Variants in MAP2 observed in about 807,000 individuals in gnomAD.
MAP2 encodes microtubule-associated protein 2.
MAP2 carries 14 observed loss-of-function variants against 137.6 expected under a neutral mutation model. That is an observed-to-expected ratio of 0.10 (90% CI 0.07 to 0.16). MAP2 has a LOEUF of 0.16. Among genes scored for constraint, MAP2 ranks in the 10% least tolerant of loss-of-function variants. MAP2 has a pLI of 1.00. For missense variants in MAP2, 2,088 were observed against 2,191.5 expected, an observed-to-expected ratio of 0.95 and a Z score of 0.94; for synonymous variants, 786 against 782.3, an observed-to-expected ratio of 1.00 and a Z score of -0.08.
chr2:209,513,070 AG>A (rs1294322761), intron 2 of MAP2, among the ~76,000 whole-genome samples: 8 of 152,302 alleles, frequency 5.3e-5, no homozygotes, highest in African/African-American at 1.7e-4. Flanking sequence ...TGCACAATTA[AG>A]CAGACTTGCA....
At chr2:209,629,619 C>G (rs967205434) in intron 4 of MAP2, among the ~76,000 whole-genome samples, 1 of 152,142 alleles carries the variant, frequency 6.6e-6, no homozygotes, top group Non-Finnish European at 1.5e-5. Context: ...AAAATAAATT[C>G]TATTGGTAAA....
chr2:209,560,570 C>T (rs2153346053), intron 2 of MAP2, among the ~76,000 whole-genome samples: 1 of 151,290 alleles, frequency 6.6e-6, no homozygotes, highest in East Asian at 2.0e-4. Context: ...GGCTTGACCT[C>T]CTGAGCTCAA....
At chr2:209,514,540 A>G (rs1337561835) in intron 2 of MAP2, among the ~76,000 whole-genome samples, 2 of 152,138 alleles carry the variant, frequency 1.3e-5, no homozygotes, top group Non-Finnish European at 2.9e-5. Flanking sequence ...AAAGAATCCC[A>G]TTCCAAAGAA....
intron 4 of MAP2, among the ~76,000 whole-genome samples, chr2:209,652,547 A>C (rs2153608744): frequency 6.6e-6 from 1 of 152,288 alleles, no homozygotes; most frequent in South Asian, 2.1e-4. Context: ...TATCCAGAAA[A>C]GTGTATCTAC....
At chr2:209,465,495 A>C (rs895277619) in intron 1 of MAP2, among the ~76,000 whole-genome samples, 6 of 152,154 alleles carry the variant, frequency 3.9e-5, no homozygotes, top group African/African-American at 1.4e-4. Context: ...CTGGAAAATA[A>C]ATTTCTAGTC....
chr2:209,646,939 CTG>C (rs1487573910), intron 4 of MAP2, among the ~76,000 whole-genome samples: 1 of 152,092 alleles, frequency 6.6e-6, no homozygotes, highest in Non-Finnish European at 1.5e-5. Context: ...ATATCTGAGA[CTG>C]TGTAATTTAT....
intron 2 of MAP2, among the ~76,000 whole-genome samples, chr2:209,508,454 A>G (rs994041821): frequency 1.3e-5 from 2 of 152,018 alleles, no homozygotes; most frequent in African/African-American, 4.8e-5. Context: ...TTTAAAGCCC[A>G]TGTTTAACCC....
chr2:209,657,396 A>G (rs936021206), intron 5 of MAP2, among the ~76,000 whole-genome samples: 1 of 152,154 alleles, frequency 6.6e-6, no homozygotes, highest in South Asian at 2.1e-4. Flanking sequence ...TCCCGTCAAC[A>G]TTGTTTAAGA....
chr2:209,485,737 C>T (rs1228194842), intron 1 of MAP2, among the ~76,000 whole-genome samples: 3 of 152,184 alleles, frequency 2.0e-5, no homozygotes, highest in African/African-American at 4.8e-5. Flanking sequence ...ACTATAATCC[C>T]ACACTAGTCT....
intron 1 of MAP2, among the ~76,000 whole-genome samples, chr2:209,458,747 A>T (rs549350062): frequency 1.0e-3 from 153 of 152,254 alleles, no homozygotes; most frequent in Non-Finnish European, 1.8e-3. Context: ...TGCCCATCAG[A>T]AGTCCCATAG....
chr2:209,490,512 G>GTGTGC (rs1298890293), intron 1 of MAP2, among the ~76,000 whole-genome samples: 1 of 148,144 alleles, frequency 6.8e-6, no homozygotes, highest in Non-Finnish European at 1.5e-5. Flanking sequence ...AGACCCGCTG[G>GTGTGC]TGTGCTGCAT....
At chr2:209,663,150 A>G (rs1365372240) in intron 5 of MAP2, among the ~76,000 whole-genome samples, 4 of 152,106 alleles carry the variant, frequency 2.6e-5, no homozygotes, top group Non-Finnish European at 5.9e-5. Flanking sequence ...CCTCTAAGCT[A>G]TTGAGATAAA....
intron 1 of MAP2, among the ~76,000 whole-genome samples, chr2:209,427,487 A>C (rs1383605153): frequency 6.6e-6 from 1 of 152,160 alleles, no homozygotes; most frequent in Non-Finnish European, 1.5e-5. Flanking sequence ...TACTCAATCT[A>C]GACCTTTTCA....
At chr2:209,460,366 T>G (rs1481928096) in intron 1 of MAP2, among the ~76,000 whole-genome samples, 1 of 152,136 alleles carries the variant, frequency 6.6e-6, no homozygotes, top group African/African-American at 2.4e-5. Context: ...AAGAACAAAC[T>G]GGTTCTTTGG....
intron 6 of MAP2, among the ~76,000 whole-genome samples, chr2:209,679,431 A>T (rs2053554098): frequency 6.6e-6 from 1 of 152,076 alleles, no homozygotes; most frequent in Non-Finnish European, 1.5e-5. Flanking sequence ...ATGGATGTAT[A>T]TACACAAAGA....
intron 13 of MAP2, among the ~76,000 whole-genome samples, chr2:209,723,087 A>G (rs576287616): frequency 2.0e-5 from 3 of 152,346 alleles, no homozygotes; most frequent in Admixed American, 2.0e-4. Flanking sequence ...GATGTAGAGC[A>G]TTCACCATGT....
intron 13 of MAP2, among the ~76,000 whole-genome samples, chr2:209,722,355 T>A: frequency 6.6e-6 from 1 of 152,230 alleles, no homozygotes; most frequent in East Asian, 1.9e-4. Flanking sequence ...TTTGCCTAGT[T>A]AAAAATAGTC....
At chr2:209,491,761 T>C (rs1011669744) in intron 1 of MAP2, among the ~76,000 whole-genome samples, 2 of 152,166 alleles carry the variant, frequency 1.3e-5, no homozygotes, top group Non-Finnish European at 2.9e-5. Flanking sequence ...GTCGAATCCC[T>C]GAATAGATCA....
At chr2:209,653,073 A>G in intron 4 of MAP2, 69 bp from the exon 5 acceptor site, 4 of 1,284,286 alleles carry the variant, frequency 3.1e-6, no homozygotes, top group Non-Finnish European at 4.2e-6. Flanking sequence ...AATTTTTCCT[A>G]TCTTGGTACA....
Sources: gnomAD v4.1 joint callset for allele counts (sites outside exome capture counted in the v4.1 genomes callset) on GRCh38, gnomAD v4.1.1 for gene constraint, MANE v1.5 for transcripts, NCBI Gene and HGNC (gene_info 2026-07-23, HGNC 2026-07-21) for gene names.